TBC1D9: variants seen among roughly 807,000 people sequenced by gnomAD.
TBC1D9 encodes the protein TBC1 domain family member 9A.
In TBC1D9, 63 loss-of-function variants were observed where a neutral mutation model predicts 132.0. That is an observed-to-expected ratio of 0.48 (90% CI 0.39 to 0.59). TBC1D9 has a LOEUF of 0.59. Ranked by LOEUF, TBC1D9 falls within the 20% of genes least tolerant of loss-of-function variation. The probability of loss-of-function intolerance (pLI) is 0.00; values close to 1 mark genes in which losing one functional copy is unlikely to be tolerated. For missense variants in TBC1D9, 1,261 were observed against 1,592.7 expected (o/e 0.79, Z 3.54); for synonymous variants, 610 against 609.9 (o/e 1.00, Z 0.00).
chr4:140,685,379 A>G (rs1737763662), intron 3 of TBC1D9, among the ~76,000 whole-genome samples: 1 of 152,232 alleles, frequency 6.6e-6, no homozygotes, highest in African/African-American at 2.4e-5. Context: ...AGGATCACCT[A>G]TGCAGTATTC....
intron 1 of TBC1D9, among the ~76,000 whole-genome samples, chr4:140,701,837 C>A (rs1209049662): frequency 7.5e-6 from 1 of 133,964 alleles, no homozygotes; most frequent in African/African-American, 2.8e-5. Context: ...TTCAGTCTGC[C>A]AGGCTGCCCC....
At chr4:140,651,298 AC>A (rs1435122470) in intron 13 of TBC1D9, among the ~76,000 whole-genome samples, 1 of 152,160 alleles carries the variant, frequency 6.6e-6, no homozygotes, top group East Asian at 1.9e-4. Context: ...CCCCGTCTCC[AC>A]AAAAAAGACA....
Position 140,664,764 on chromosome 4 carries a change from C to G in TBC1D9, c.1589-2657G>C, listed in dbSNP as rs559450018. Among the ~76,000 whole-genome samples, 100 of 152,140 alleles carry G rather than the reference C, an allele frequency of 6.6e-4. 1 individual carries two copies. The highest frequency in any genetic ancestry group is 2.2e-3 in the African/African-American group (90 of 41,488). ...AATGGTGCTGGGACAACTAGATATC[C>G]ATACGGAAAAGAATGAATTAGACAG... On this transcript the variant is annotated intron_variant, in intron 9 of 20. Transcript: ENST00000442267.
chr4:140,749,029 C>A lies in TBC1D9; in HGVS notation c.130+6887G>T, dbSNP rs148013242. ...GTGGGGAGTTAAAGTATTCCATGGTCTTTGCAATCTATGAGAAAATATTTA... is the reference window on the plus strand; with the variant it reads ...GTGGGGAGTTAAAGTATTCCATGGTATTTGCAATCTATGAGAAAATATTTA... On this transcript the variant is annotated intron_variant, in intron 1 of 20. Transcript: ENST00000442267. Among the ~76,000 whole-genome samples, 121 of 152,120 alleles carry A rather than the reference C, an allele frequency of 8.0e-4. 1 individual carries two copies. The highest frequency in any genetic ancestry group is 2.8e-3 in the African/African-American group (117 of 41,510).
At chr4:140,644,097 G>C in intron 13 of TBC1D9, 2 of 394,394 alleles carry the variant, frequency 5.1e-6, no homozygotes, top group South Asian at 2.5e-5. Context: ...CACATCAGGG[G>C]CCAGGCCATC....
rs1160822892 is a variant in TBC1D9 at position 140,667,645 on chromosome 4, T to C, written c.1588+1272A>G. Among the ~76,000 whole-genome samples the C allele has an allele frequency of 5.3e-5, 8 of 152,120 alleles. No individual in the cohort carries two copies. In the East Asian group the frequency reaches 1.2e-3, roughly 22 times the overall value. ...CAGGCACAGTGGCTCATGACTATCA[T>C]CCCAGCACCTGGGAGGCTGAGGTAG... On this transcript the variant is annotated intron_variant, in intron 9 of 20. Coordinates refer to ENST00000442267, the MANE Select transcript of TBC1D9 (RefSeq NM_015130.3).
At chr4:140,692,351 T>C (rs1382256541) in intron 2 of TBC1D9, among the ~76,000 whole-genome samples, 1 of 152,172 alleles carries the variant, frequency 6.6e-6, no homozygotes, top group Admixed American at 6.5e-5. Flanking sequence ...ACCAAATGAA[T>C]AAATCATCTG....
intron 1 of TBC1D9, among the ~76,000 whole-genome samples, chr4:140,728,401 TAAA>T (rs35141147): frequency 3.5e-5 from 5 of 142,988 alleles, no homozygotes; most frequent in Non-Finnish European, 3.1e-5. Context: ...CTTTAAATGG[TAAA>T]AAAAAAAAAA....
intron 9 of TBC1D9, among the ~76,000 whole-genome samples, chr4:140,666,571 C>G (rs1334818909): frequency 1.3e-5 from 2 of 151,952 alleles, no homozygotes; most frequent in African/African-American, 2.4e-5. Context: ...ATCTCCTGAC[C>G]TCGTGATCCG....
chr4:140,638,355 A>T (rs1736912016), intron 15 of TBC1D9, among the ~76,000 whole-genome samples: 1 of 152,106 alleles, frequency 6.6e-6, no homozygotes, highest in South Asian at 2.1e-4. Flanking sequence ...TGCTTTATTT[A>T]TGACCATAAT....
At chr4:140,642,109 T>C (rs1737009986) in intron 13 of TBC1D9, 1 of 738,170 alleles carries the variant, frequency 1.4e-6, no homozygotes, top group Admixed American at 1.9e-5. Context: ...CAGGCCCTCT[T>C]GGTCAGCTAG....
chr4:140,685,961 C>A (rs1023234865), intron 3 of TBC1D9, among the ~76,000 whole-genome samples: 1 of 152,066 alleles, frequency 6.6e-6, no homozygotes, highest in Non-Finnish European at 1.5e-5. Flanking sequence ...TTGTCTATTT[C>A]AAAGTAGCTA....
chr4:140,623,173 A>C (rs1331192101), intron 20 of TBC1D9, among the ~76,000 whole-genome samples: 1 of 151,964 alleles, frequency 6.6e-6, no homozygotes, highest in Non-Finnish European at 1.5e-5. Flanking sequence ...CAGCCTCAAC[A>C]TCCTGGGCTC....
At chr4:140,743,137 T>C (rs1738786462) in intron 1 of TBC1D9, among the ~76,000 whole-genome samples, 1 of 152,206 alleles carries the variant, frequency 6.6e-6, no homozygotes, top group Admixed American at 6.5e-5. Flanking sequence ...AGTATTTGAC[T>C]TAATGTTGTC....
intron 2 of TBC1D9, among the ~76,000 whole-genome samples, chr4:140,698,259 G>A (rs1738006301): frequency 6.6e-6 from 1 of 152,110 alleles, no homozygotes; most frequent in Non-Finnish European, 1.5e-5. Flanking sequence ...TGGTAAGTCT[G>A]TCCAGGTCAG....
chr4:140,644,227 G>C, intron 13 of TBC1D9: 1 of 332,532 alleles, frequency 3.0e-6, no homozygotes, highest in Non-Finnish European at 5.9e-6. Flanking sequence ...AAAGTGCTGG[G>C]GGCTTCCTTA....
intron 1 of TBC1D9, among the ~76,000 whole-genome samples, chr4:140,702,841 A>C (rs974364624): frequency 1.3e-5 from 2 of 152,226 alleles, no homozygotes; most frequent in Non-Finnish European, 2.9e-5. Flanking sequence ...CTAAAGCTAC[A>C]TGGAACCCAG....
At chr4:140,749,729 GAC>G (rs1199237988) in intron 1 of TBC1D9, among the ~76,000 whole-genome samples, 3 of 152,014 alleles carry the variant, frequency 2.0e-5, no homozygotes, top group Non-Finnish European at 2.9e-5. Context: ...ATTTATAAAA[GAC>G]ATATCTAAAA....
intron 15 of TBC1D9, among the ~76,000 whole-genome samples, chr4:140,634,866 C>T (rs757306997): frequency 5.3e-5 from 8 of 152,262 alleles, no homozygotes; most frequent in Middle Eastern, 3.4e-3. Context: ...GGAACCACTC[C>T]GGCGAGCAGA....
Sources: gnomAD v4.1 joint callset for allele counts (sites outside exome capture counted in the v4.1 genomes callset) on GRCh38, gnomAD v4.1.1 for gene constraint, MANE v1.5 for transcripts, NCBI Gene and HGNC (gene_info 2026-07-23, HGNC 2026-07-21) for gene names.